AAK1: variants seen among roughly 807,000 people sequenced by gnomAD.
The protein encoded by AAK1 is AP2-associated protein kinase 1.
AAK1 carries 37 observed loss-of-function variants against 116.0 expected under a neutral mutation model. That is an observed-to-expected ratio of 0.32 (90% CI 0.25 to 0.42). The LOEUF is 0.42. Ranked by LOEUF, AAK1 falls within the 10% of genes least tolerant of loss-of-function variation. AAK1 has a pLI of 1.00. For missense variants in AAK1, 919 were observed against 1,170.6 expected (o/e 0.79, Z 3.14); for synonymous variants, 458 against 439.9 (o/e 1.04, Z -0.51).
rs77332178 is a variant in AAK1, at chr2:69,488,327, T to C, written c.2366-5515A>G. 9.4e-3 allele frequency among the ~76,000 whole-genome samples: 1,435 copies of C among 152,070 alleles called. 17 individuals are homozygous for C. The highest frequency in any genetic ancestry group is 0.033 in the African/African-American group (1,354 of 41,484). ...GTATCCCCTAAATCTAGAAAATAAG[T>C]TGAAGTTATAAAAAAAGATAGAGAG... On this transcript the variant is annotated intron_variant, in intron 17 of 21. Coordinates refer to ENST00000409085, the MANE Select transcript of AAK1 (RefSeq NM_014911.5).
rs1056353456 is a variant in AAK1 at position 69,460,236 on chromosome 2, G to T, written c.*15633C>A. 1 of 152,376 alleles carries T rather than the reference G, an allele frequency of 6.6e-6. No individual in the cohort carries two copies. 9.4% of individuals were successfully genotyped at this position (152,376 alleles called of 1,614,324 possible). A position where few individuals can be genotyped will look rare whatever the true frequency, so the allele number is the denominator to read the frequency against. On this transcript the variant is annotated 3_prime_UTR_variant, in exon 22 of 22. Coordinates refer to ENST00000409085, the MANE Select transcript of AAK1 (RefSeq NM_014911.5). ...AGAATCACACTTTTCTTTATTAAAG[G>T]GACCCAAGTGATTTTTAAGCTGTAT...
intron 10 of AAK1, 146 bp downstream of exon 10, chr2:69,524,887 T>G (rs555230422): frequency 4.3e-6 from 3 of 703,680 alleles, no homozygotes; most frequent in East Asian, 2.7e-5. Flanking sequence ...AAAGAACCGT[T>G]TCTGCCTAGG....
intron 2 of AAK1, among the ~76,000 whole-genome samples, chr2:69,617,603 G>A (rs1251768634): frequency 1.3e-5 from 2 of 152,226 alleles, no homozygotes; most frequent in Non-Finnish European, 1.5e-5. Flanking sequence ...TTAGAAGACT[G>A]ATAAATAAAT....
rs1232188362 is a variant in AAK1, at chr2:69,469,644, AG to A, written c.*6224del. 1.0e-6 allele frequency: 1 copy of A among 985,358 alleles called. No homozygotes were observed. Among genetic ancestry groups the A allele is most frequent in the Non-Finnish European group, 1.2e-6 (1 of 829,966 alleles). The allele number at this position is 985,358 out of a possible 1,614,324, so 61.0% of individuals were successfully genotyped here. A position where few individuals can be genotyped will look rare whatever the true frequency, so the allele number is the denominator to read the frequency against. On this transcript the variant is annotated 3_prime_UTR_variant, in exon 22 of 22. Transcript: ENST00000409085. ...CTGCCTGTTGTACCTCAGGGGCTAA[AG>A]CCCAGGGCCTGGCTTCATAGTCTGC... is the stretch of plus-strand genomic sequence containing the variant.
At chr2:69,495,907 A>G (rs766096707) in intron 17 of AAK1, 78 bp downstream of exon 17, 13 of 1,199,812 alleles carry the variant, frequency 1.1e-5, no homozygotes, top group African/African-American at 1.5e-5. Context: ...TTCACGGGGT[A>G]TTTAAGGCAG....
At chr2:69,643,374 C>T in intron 1 of AAK1, 100 bp from the exon 2 acceptor site, 1 of 1,186,490 alleles carries the variant, frequency 8.4e-7, no homozygotes, top group Non-Finnish European at 1.1e-6. Flanking sequence ...CCTGGGGAAA[C>T]GCTTCATGTA....
intron 8 of AAK1, among the ~76,000 whole-genome samples, chr2:69,528,648 T>C (rs140708500): frequency 8.2e-4 from 124 of 152,060 alleles, no homozygotes; most frequent in African/African-American, 2.8e-3. Context: ...GAACTGGGTA[T>C]TGAGGGTAAA....
Position 69,643,575 on chromosome 2 carries a change from T to C in AAK1, c.-235A>G, listed in dbSNP as rs963079120. The C allele has an allele frequency of 6.5e-6, 8 of 1,227,826 alleles. No homozygotes were observed. The highest frequency in any genetic ancestry group is 1.6e-5 in the African/African-American group (1 of 64,118). 76.1% of individuals were successfully genotyped at this position (1,227,826 alleles called of 1,614,324 possible). A position where few individuals can be genotyped will look rare whatever the true frequency, so the allele number is the denominator to read the frequency against. On this transcript the variant is annotated splice_region_variant and 5_prime_UTR_variant, in exon 1 of 22. Transcript: ENST00000409085. ...GAGGCGGCATCCTGGCAGCACCCAC[T>C]TGAGACGGCTCGGCGGCCGGCGCCC...
rs1472739624 is a variant in AAK1 at position 69,471,526 on chromosome 2, T to C, written c.*4343A>G. The C allele has an allele frequency of 1.2e-5, 12 of 985,320 alleles. No individual in the cohort carries two copies. Among genetic ancestry groups the C allele is most frequent in the Non-Finnish European group, 1.3e-5 (11 of 829,944 alleles). The allele number at this position is 985,320 out of a possible 1,614,324, so 61.0% of individuals were successfully genotyped here. A position where few individuals can be genotyped will look rare whatever the true frequency, so the allele number is the denominator to read the frequency against. ...ATTCTAAATATTCATGTGATAGTTT[T>C]TCTGTTCTGCCAGGCAGCCTCTAAT... On this transcript the variant is annotated 3_prime_UTR_variant, in exon 22 of 22. Coordinates refer to ENST00000409085, the MANE Select transcript of AAK1 (RefSeq NM_014911.5).
chr2:69,643,142 T>C lies in AAK1; in HGVS notation c.-102A>G. On this transcript the variant is annotated 5_prime_UTR_variant, in exon 2 of 22. Transcript: ENST00000409085. ...GAGATCCAAGGATTTCTTCTCAGATTTCACCTCGGAGAGGAGCCACCCGAA... is the reference window on the plus strand; with the variant it reads ...GAGATCCAAGGATTTCTTCTCAGATCTCACCTCGGAGAGGAGCCACCCGAA... 1 of 1,434,856 alleles carries C rather than the reference T, an allele frequency of 7.0e-7. No homozygotes were observed. Among genetic ancestry groups the C allele is most frequent in the Non-Finnish European group, 9.1e-7 (1 of 1,104,410 alleles). The allele number at this position is 1,434,856 out of a possible 1,614,324, so 88.9% of individuals were successfully genotyped here. A position where few individuals can be genotyped will look rare whatever the true frequency, so the allele number is the denominator to read the frequency against.
At chr2:69,479,303 G>A (rs1031558301) in intron 19 of AAK1, among the ~76,000 whole-genome samples, 1 of 152,156 alleles carries the variant, frequency 6.6e-6, no homozygotes, top group Non-Finnish European at 1.5e-5. Context: ...AGCCAAAGTG[G>A]GAGAATGAAA....
Position 69,465,518 on chromosome 2 carries a change from AG to A in AAK1, c.*10350del. 1 of 1,290,962 alleles carries A rather than the reference AG, an allele frequency of 7.7e-7. No individual in the cohort carries two copies. The highest frequency in any genetic ancestry group is 1.0e-6 in the Non-Finnish European group (1 of 988,896). The allele number at this position is 1,290,962 out of a possible 1,614,324, so 80.0% of individuals were successfully genotyped here. On this transcript the variant is annotated 3_prime_UTR_variant, in exon 22 of 22. Coordinates refer to ENST00000409085, the MANE Select transcript of AAK1 (RefSeq NM_014911.5). ...TAGTCCTGGAGGAAAGGGATGTGAT[AG>A]AAACAGACCCAGCTATCGACTGCTT...
intron 16 of AAK1, among the ~76,000 whole-genome samples, chr2:69,498,073 G>A (rs1005460964): frequency 1.6e-5 from 2 of 122,946 alleles, no homozygotes; most frequent in East Asian, 5.4e-4. Flanking sequence ...CTCGCTCCCT[G>A]GACATCCCTG....
intron 2 of AAK1, among the ~76,000 whole-genome samples, chr2:69,634,223 CAAGGAAGAATTTT>C (rs1559020830): frequency 6.6e-6 from 1 of 152,116 alleles, no homozygotes; most frequent in Admixed American, 6.5e-5. Context: ...ATCCTTTGTA[CAAGGAAGAATTTT>C]AAGGAAGAAT....
At chr2:69,547,566 C>CA (rs1215867750) in intron 3 of AAK1, among the ~76,000 whole-genome samples, 2 of 152,044 alleles carry the variant, frequency 1.3e-5, no homozygotes, top group Non-Finnish European at 2.9e-5. Flanking sequence ...AGTGAAATAC[C>CA]ATTTCACACC....
chr2:69,505,654 A>G lies in AAK1; in HGVS notation c.2184T>C (p.Leu728=). The G allele has an allele frequency of 6.2e-7, 1 of 1,613,538 alleles. No individual in the cohort carries two copies. The highest frequency in any genetic ancestry group is 8.5e-7 in the Non-Finnish European group (1 of 1,179,652). Residue 728 remains leucine (L), a synonymous_variant, in exon 16 of 22, where the codon CTT becomes CTC. Transcript: ENST00000409085. ...GGATCAAACTCTCAGCTGAGCCTCC[A>G]AGCTTCTCGGGATGTTTGCCTGGAG... ...KLGEGKHPEK[L]GGSAESLIPG...
At chr2:69,587,801 A>AT (rs1672855575) in intron 2 of AAK1, among the ~76,000 whole-genome samples, 1 of 152,000 alleles carries the variant, frequency 6.6e-6, no homozygotes, top group East Asian at 1.9e-4. Context: ...TTGTAGAGAC[A>AT]GAGTTTTACT....
At chr2:69,479,789 T>C (rs1408081145) in intron 19 of AAK1, among the ~76,000 whole-genome samples, 1 of 152,164 alleles carries the variant, frequency 6.6e-6, no homozygotes, top group Non-Finnish European at 1.5e-5. Context: ...GGAGTCTCGC[T>C]CCAGCTCCCA....
rs924336540 is a variant in AAK1, at chr2:69,473,547, T to C, written c.*2322A>G. The C allele has an allele frequency of 2.0e-6, 2 of 985,342 alleles. No homozygotes were observed. The highest frequency in any genetic ancestry group is 3.5e-5 in the African/African-American group (2 of 57,240). 61.0% of individuals were successfully genotyped at this position (985,342 alleles called of 1,614,324 possible). Reference sequence around the variant, plus strand: ...CTACTGCCGTCTCTGGCTTCTAGTCTGCTCATTTTCATTAACTGCCTCCAT... The same window carrying C: ...CTACTGCCGTCTCTGGCTTCTAGTCCGCTCATTTTCATTAACTGCCTCCAT... On this transcript the variant is annotated 3_prime_UTR_variant, in exon 22 of 22. Coordinates refer to ENST00000409085, the MANE Select transcript of AAK1 (RefSeq NM_014911.5).
Sources: gnomAD v4.1 joint callset for allele counts (sites outside exome capture counted in the v4.1 genomes callset) on GRCh38, gnomAD v4.1.1 for gene constraint, MANE v1.5 for transcripts, NCBI Gene and HGNC (gene_info 2026-07-23, HGNC 2026-07-21) for gene names.